SIL1: variants seen among roughly 807,000 people sequenced by gnomAD.
The protein encoded by SIL1 is SIL1 nucleotide exchange factor.
In SIL1, 40 loss-of-function variants were observed where a neutral mutation model predicts 49.1. That is an observed-to-expected ratio of 0.81 (90% CI 0.63 to 1.06). The LOEUF (loss-of-function observed/expected upper bound fraction) is 1.06, where lower values mean the gene tolerates loss of function less well. SIL1 is among the 50% of genes least tolerant of loss of function. SIL1 has a pLI of 0.00. For missense variants in SIL1, 500 were observed against 572.6 expected, an observed-to-expected ratio of 0.87 and a Z score of 1.29; for synonymous variants, 253 against 250.8, an observed-to-expected ratio of 1.01 and a Z score of -0.08.
intron 3 of SIL1, among the ~76,000 whole-genome samples, chr5:139,117,221 C>G (rs1426860714): frequency 6.6e-6 from 1 of 152,164 alleles, no homozygotes; most frequent in Non-Finnish European, 1.5e-5. Context: ...GGGTCACGTC[C>G]TTTTTGCTAC....
chr5:139,104,269 G>A (rs560227416), intron 3 of SIL1, among the ~76,000 whole-genome samples: 2 of 152,284 alleles, frequency 1.3e-5, no homozygotes, highest in South Asian at 2.1e-4. Flanking sequence ...CCTAGACCAC[G>A]CCAACAATGG....
chr5:139,169,825 C>A (rs1751700873), intron 1 of SIL1, among the ~76,000 whole-genome samples: 2 of 107,874 alleles, frequency 1.9e-5, no homozygotes, highest in African/African-American at 5.8e-5. Context: ...ACTCCCTCTC[C>A]CCTCTCCCCT....
intron 7 of SIL1, among the ~76,000 whole-genome samples, chr5:138,955,781 C>A (rs543361190): frequency 6.6e-6 from 1 of 152,224 alleles, no homozygotes; most frequent in African/African-American, 2.4e-5. Flanking sequence ...AAGCCAAGCA[C>A]GGGCCCTTTT....
At chr5:139,120,207 A>G (rs1400279007) in intron 3 of SIL1, among the ~76,000 whole-genome samples, 1 of 152,160 alleles carries the variant, frequency 6.6e-6, no homozygotes, top group Non-Finnish European at 1.5e-5. Flanking sequence ...CTTGCCATCC[A>G]CCTTGCCACT....
At chr5:139,131,602 C>T (rs896655920) in intron 1 of SIL1, 5 of 152,254 alleles carry the variant, frequency 3.3e-5, no homozygotes, top group Non-Finnish European at 4.4e-5. Context: ...GCCAGCTCCC[C>T]CCCTCTTTTT....
chr5:139,153,952 C>T (rs527624964), intron 1 of SIL1, among the ~76,000 whole-genome samples: 1 of 152,272 alleles, frequency 6.6e-6, no homozygotes, highest in South Asian at 2.1e-4. Context: ...CAGCCCAGAC[C>T]CAACTTCTTC....
rs997303487 is a variant in SIL1 at position 139,024,678 on chromosome 5, C to A, written c.645+2123G>T. On this transcript the variant is annotated intron_variant, in intron 6 of 9. Coordinates refer to ENST00000394817, the MANE Select transcript of SIL1 (RefSeq NM_022464.5). ...CCCTAGTCTGGATTACTGCAATAGC[C>A]TCCTATCTGGTCTCTGCTTCTACCA... Among the ~76,000 whole-genome samples the A allele has an allele frequency of 6.6e-5, 10 of 152,220 alleles. 1 individual carries two copies. The highest frequency in any genetic ancestry group is 4.1e-4 in the South Asian group (2 of 4,832).
At chr5:138,970,513 T>C (rs1767245910) in intron 7 of SIL1, among the ~76,000 whole-genome samples, 1 of 151,986 alleles carries the variant, frequency 6.6e-6, no homozygotes, top group Non-Finnish European at 1.5e-5. Flanking sequence ...GAAAAGAGAG[T>C]GTACTGGGTC....
intron 1 of SIL1, among the ~76,000 whole-genome samples, chr5:139,189,508 T>C (rs1237960484): frequency 6.6e-6 from 1 of 152,264 alleles, no homozygotes; most frequent in Non-Finnish European, 1.5e-5. Flanking sequence ...GTGAGTTGTA[T>C]ATTTCATTAC....
At chr5:139,153,559 C>T (rs540103718) in intron 1 of SIL1, among the ~76,000 whole-genome samples, 6 of 152,290 alleles carry the variant, frequency 3.9e-5, no homozygotes, top group African/African-American at 7.2e-5. Context: ...GCCAGTTACA[C>T]GCTTGCCACC....
chr5:138,958,011 G>C (rs1003572309), intron 7 of SIL1, among the ~76,000 whole-genome samples: 11 of 150,894 alleles, frequency 7.3e-5, no homozygotes, highest in Non-Finnish European at 4.4e-5. Flanking sequence ...CTCCCGCCCT[G>C]GCCTCCTAAA....
intron 1 of SIL1, among the ~76,000 whole-genome samples, chr5:139,151,662 A>T (rs1751303556): frequency 6.6e-6 from 1 of 152,230 alleles, no homozygotes; most frequent in Non-Finnish European, 1.5e-5. Flanking sequence ...GCCCAGCAAC[A>T]GGACTGTGAT....
At chr5:139,013,103 G>C (rs1013105146) in intron 7 of SIL1, among the ~76,000 whole-genome samples, 1 of 151,818 alleles carries the variant, frequency 6.6e-6, no homozygotes, top group African/African-American at 2.4e-5. Flanking sequence ...CCTGCTCTAC[G>C]GTTTTCCACA....
chr5:139,174,937 CAAAAAAAAAAAA>C (rs56959325), intron 1 of SIL1, among the ~76,000 whole-genome samples: 2 of 59,850 alleles, frequency 3.3e-5, no homozygotes, highest in East Asian at 6.2e-4. Context: ...GACTGTGTCT[CAAAAAAAAAAAA>C]AAAAAAAAAA....
chr5:139,126,197 T>C (rs1397970183), intron 2 of SIL1, among the ~76,000 whole-genome samples: 2 of 152,234 alleles, frequency 1.3e-5, no homozygotes, highest in African/African-American at 2.4e-5. Context: ...TGAAAGATTA[T>C]GACAAATGGA....
At chr5:139,038,999 C>A (rs1345400880) in intron 5 of SIL1, among the ~76,000 whole-genome samples, 5 of 152,186 alleles carry the variant, frequency 3.3e-5, no homozygotes, top group East Asian at 1.9e-4. Context: ...CTGCTGACAC[C>A]ACTCCAGCAG....
rs537481779 is a variant in SIL1 at position 139,073,832 on chromosome 5, G to A, written c.245-22786C>T. Among the ~76,000 whole-genome samples, 29 of 151,774 alleles carry A rather than the reference G, an allele frequency of 1.9e-4. No homozygotes were observed. In the East Asian group the frequency reaches 4.3e-3, roughly 22 times the overall value. ...TCCCAGCTACTTGGGAGGCTGGGGC[G>A]GAGGTTGCAGTGAGCCAAGACCACA... On this transcript the variant is annotated intron_variant, in intron 3 of 9. Transcript: ENST00000394817.
At chr5:139,020,386 A>G (rs1191981068) in intron 7 of SIL1, among the ~76,000 whole-genome samples, 4 of 152,240 alleles carry the variant, frequency 2.6e-5, no homozygotes, top group Non-Finnish European at 4.4e-5. Context: ...ATATGTTCAG[A>G]ATAGCTTTTC....
chr5:139,171,853 G>A (rs1345528592), intron 1 of SIL1, among the ~76,000 whole-genome samples: 1 of 151,956 alleles, frequency 6.6e-6, no homozygotes, highest in East Asian at 1.9e-4. Flanking sequence ...GGAAGGCATG[G>A]AGAAAAATCA....
Sources: gnomAD v4.1 joint callset for allele counts (sites outside exome capture counted in the v4.1 genomes callset) on GRCh38, gnomAD v4.1.1 for gene constraint, MANE v1.5 for transcripts, NCBI Gene and HGNC (gene_info 2026-07-23, HGNC 2026-07-21) for gene names.